The following SP3 variants were observed in gnomAD, a reference collection of about 807,000 sequenced individuals.
SP3 encodes Sp3 transcription factor, also known as transcription factor Sp3.
A neutral mutation model predicts 70.3 loss-of-function variants in SP3; 10 were observed. The ratio of observed to expected loss-of-function variants is 0.14; its 90% CI spans 0.09 to 0.24. The LOEUF (loss-of-function observed/expected upper bound fraction) is 0.24, where lower values mean the gene tolerates loss of function less well. Ranked by LOEUF, SP3 falls within the 10% of genes least tolerant of loss-of-function variation. The probability of loss-of-function intolerance (pLI) is 1.00; values close to 1 mark genes in which losing one functional copy is unlikely to be tolerated. For missense variants in SP3, 825 were observed against 914.6 expected (o/e 0.90, Z 1.26); for synonymous variants, 402 against 333.5 (o/e 1.21, Z -2.24).
At chr2:173,920,994 T>A (rs1443988221) in intron 4 of SP3, among the ~76,000 whole-genome samples, 2 of 152,134 alleles carry the variant, frequency 1.3e-5, no homozygotes, top group Non-Finnish European at 2.9e-5. Flanking sequence ...ACAGGGAGAT[T>A]TCAGGGTTGC....
intron 6 of SP3, among the ~76,000 whole-genome samples, chr2:173,911,357 A>G (rs1029212373): frequency 2.0e-4 from 30 of 152,250 alleles, no homozygotes; most frequent in East Asian, 5.8e-4. Flanking sequence ...TCTCATCCTC[A>G]TTCACCGCTA....
At chr2:173,929,814 G>A (rs1690021912) in intron 4 of SP3, among the ~76,000 whole-genome samples, 1 of 152,196 alleles carries the variant, frequency 6.6e-6, no homozygotes, top group Non-Finnish European at 1.5e-5. Flanking sequence ...AGGTCAGGGA[G>A]GTATGGGGCA....
intron 1 of SP3, 169 bp from the exon 2 acceptor site, chr2:173,964,722 T>TGCTGCTGCCCCCGCCC (rs1229490947): frequency 3.6e-6 from 1 of 280,802 alleles, no homozygotes; most frequent in Non-Finnish European, 6.2e-6. Flanking sequence ...CCTCCCCTCC[T>TGCTGCTGCCCCCGCCC]GCTGCTGCCC....
chr2:173,924,849 TA>T (rs1689865967), intron 4 of SP3, among the ~76,000 whole-genome samples: 1 of 152,218 alleles, frequency 6.6e-6, no homozygotes, highest in Non-Finnish European at 1.5e-5. Context: ...AAAGTGAGTT[TA>T]AAAATCTAGG....
intron 4 of SP3, among the ~76,000 whole-genome samples, chr2:173,951,740 A>G (rs1690716959): frequency 6.6e-6 from 1 of 152,228 alleles, no homozygotes; most frequent in East Asian, 1.9e-4. Flanking sequence ...AGTTCAGTCC[A>G]AATGTGGAAT....
At chr2:173,926,537 G>A (rs374141261) in intron 4 of SP3, among the ~76,000 whole-genome samples, 16 of 152,112 alleles carry the variant, frequency 1.1e-4, no homozygotes, top group Admixed American at 9.2e-4. Context: ...GGTGGCTCAC[G>A]CCTGTAATCC....
chr2:173,944,646 A>T (rs1690481274), intron 4 of SP3, among the ~76,000 whole-genome samples: 1 of 152,254 alleles, frequency 6.6e-6, no homozygotes, highest in Non-Finnish European at 1.5e-5. Flanking sequence ...ACTGAAAAAT[A>T]TATCAACACT....
At chr2:173,953,490 T>A (rs759180842) in intron 4 of SP3, among the ~76,000 whole-genome samples, 1 of 150,188 alleles carries the variant, frequency 6.7e-6, no homozygotes, top group Non-Finnish European at 1.5e-5. Context: ...ACACCTGTAA[T>A]CCCAGCACTT....
intron 4 of SP3, among the ~76,000 whole-genome samples, chr2:173,928,448 A>G (rs1044420245): frequency 3.9e-5 from 6 of 152,080 alleles, no homozygotes; most frequent in African/African-American, 7.2e-5. Context: ...GGCTAGGGGG[A>G]AAACAACCAA....
intron 3 of SP3, among the ~76,000 whole-genome samples, chr2:173,957,171 C>T (rs988281522): frequency 6.6e-6 from 1 of 152,092 alleles, no homozygotes; most frequent in Non-Finnish European, 1.5e-5. Context: ...GAAATATATA[C>T]AGTTATTTCA....
rs749547259 is a variant in SP3 at position 173,955,815 on chromosome 2, G to C, written c.697C>G (p.Gln233Glu). 3 of 1,614,190 alleles carry C rather than the reference G, an allele frequency of 1.9e-6. No individual in the cohort carries two copies. The highest frequency in any genetic ancestry group is 1.7e-6 in the Non-Finnish European group (2 of 1,180,028). ...NIQNLIPQTG[Q>E]VQVQGVAIGG... The stretch of plus-strand genomic sequence containing the variant: ...ATTGCAACTCCCTGAACCTGGACTT[G>C]ACCAGTCTGTGGTATGAGATTCTGG... The change falls in exon 4 of 7, where the codon CAA (glutamine) becomes GAA (glutamate). Residue 233 changes from glutamine (Q) to glutamate (E), a missense_variant. Around this residue, in one of 4 missense-constraint regions of SP3, gnomAD observed 678 missense variants for 651.6 expected, o/e 1.04. Coordinates refer to ENST00000310015, the MANE Select transcript of SP3 (RefSeq NM_003111.5).
chr2:173,921,320 C>T (rs1689747510), intron 4 of SP3, among the ~76,000 whole-genome samples: 1 of 152,130 alleles, frequency 6.6e-6, no homozygotes. Flanking sequence ...ATTTTATTCA[C>T]TCAACAACTA....
chr2:173,934,561 T>C (rs1690161749), intron 4 of SP3, among the ~76,000 whole-genome samples: 1 of 152,190 alleles, frequency 6.6e-6, no homozygotes, highest in Non-Finnish European at 1.5e-5. Context: ...AAGTTAACTT[T>C]CTGCCATTTA....
At chr2:173,945,382 TAA>T (rs1310463497) in intron 4 of SP3, among the ~76,000 whole-genome samples, 1 of 152,076 alleles carries the variant, frequency 6.6e-6, no homozygotes, top group Non-Finnish European at 1.5e-5. Context: ...ATTGTTATAC[TAA>T]AAAAAGTCTA....
intron 4 of SP3, among the ~76,000 whole-genome samples, chr2:173,953,786 A>AAC (rs201384309): frequency 0.21 from 17,914 of 83,498 alleles, 1,301 homozygotes; most frequent in Middle Eastern, 0.33. Flanking sequence ...AAACAAAACA[A>AAC]AAAAAAAAAC....
chr2:173,940,569 T>C (rs1690342268), intron 4 of SP3, among the ~76,000 whole-genome samples: 1 of 152,062 alleles, frequency 6.6e-6, no homozygotes, highest in Non-Finnish European at 1.5e-5. Flanking sequence ...ATAACAAAAA[T>C]ATGGCAGAAA....
intron 3 of SP3, among the ~76,000 whole-genome samples, chr2:173,962,764 C>CCA (rs1348346390): frequency 5.3e-5 from 8 of 151,918 alleles, no homozygotes; most frequent in African/African-American, 4.8e-5. Flanking sequence ...CTATGATCCA[C>CCA]CACACACACA....
rs150899685 is a variant in SP3 at position 173,905,651 on chromosome 2, A to G, written c.*4290T>C. Among the ~76,000 whole-genome samples the G allele has an allele frequency of 6.6e-5, 10 of 152,196 alleles. No individual in the cohort carries two copies. The East Asian group carries it at 1.7e-3, about 26-fold the overall frequency. ...AATATATTCATATCATGAAGACTTT[A>G]TAACATCAAATAAAAGCCAACATGG... On this transcript the variant is annotated 3_prime_UTR_variant, in exon 7 of 7. Coordinates refer to ENST00000310015, the MANE Select transcript of SP3 (RefSeq NM_003111.5).
In SP3 at chr2:173,901,695, CTTTTT is replaced by C. The variant is rs34329180; in HGVS notation, c.*8241_*8245del. On this transcript the variant is annotated 3_prime_UTR_variant, in exon 7 of 7. Transcript: ENST00000310015. Reference sequence around the variant, plus strand: ...GGGAAACAGTTAGTTGGACTTAAGCCTTTTTTTTTTTTTTTTTTTTTTTTGAGACG... The same window carrying C: ...GGGAAACAGTTAGTTGGACTTAAGCCTTTTTTTTTTTTTTTTTTTGAGACG... Among the ~76,000 whole-genome samples the C allele has an allele frequency of 3.3e-4, 25 of 74,956 alleles. No individual in the cohort carries two copies. Among genetic ancestry groups the C allele is most frequent in the African/African-American group, 1.1e-3 (20 of 19,020 alleles). 49.2% of individuals were successfully genotyped at this position (74,956 alleles called of 152,430 possible).
Sources: gnomAD v4.1 joint callset for allele counts (sites outside exome capture counted in the v4.1 genomes callset) on GRCh38, gnomAD v4.1.1 for gene constraint, gnomAD v4.1.1 regional missense constraint, MANE v1.5 for transcripts, NCBI Gene and HGNC (gene_info 2026-07-23, HGNC 2026-07-21) for gene names.